Variants in SLC9A9 observed in about 807,000 individuals in gnomAD.
The protein encoded by SLC9A9 is solute carrier family 9 member A9, also known as sodium/hydrogen exchanger 9.
A neutral mutation model predicts 77.8 loss-of-function variants in SLC9A9; 62 were observed. The ratio of observed to expected loss-of-function variants is 0.80; its 90% CI spans 0.65 to 0.98. SLC9A9 has a LOEUF of 0.98. Ranked by LOEUF, SLC9A9 falls within the 50% of genes least tolerant of loss-of-function variation. The probability of loss-of-function intolerance (pLI) is 0.00; values close to 1 mark genes in which losing one functional copy is unlikely to be tolerated. For missense variants in SLC9A9, 775 were observed against 774.9 expected, an observed-to-expected ratio of 1.00 and a Z score of 0.00; for synonymous variants, 320 against 283.5, an observed-to-expected ratio of 1.13 and a Z score of -1.29.
chr3:143,778,502 T>C (rs2007769836), intron 4 of SLC9A9, among the ~76,000 whole-genome samples: 1 of 152,170 alleles, frequency 6.6e-6, no homozygotes, highest in African/African-American at 2.4e-5. Context: ...GCAAAGACGG[T>C]TTTCAGAACT....
Position 143,336,769 on chromosome 3 carries a change from T to C in SLC9A9, c.1604+26715A>G, listed in dbSNP as rs536075138. On this transcript the variant is annotated intron_variant, in intron 14 of 15. Transcript: ENST00000316549. ...GAAATGGGGAATTGTTCAATGGGTA[T>C]AGAGTTTCAGTTTTACAGGATAAAA... 2.0e-5 allele frequency among the ~76,000 whole-genome samples: 3 copies of C among 152,150 alleles called. 1 individual carries two copies. The highest frequency in any genetic ancestry group is 4.1e-4 in the South Asian group (2 of 4,826).
intron 12 of SLC9A9, among the ~76,000 whole-genome samples, chr3:143,410,539 A>C (rs1375964263): frequency 1.3e-5 from 2 of 152,208 alleles, no homozygotes; most frequent in African/African-American, 4.8e-5. Context: ...TTTCACTTCC[A>C]AAACAGCTTC....
chr3:143,305,485 C>G (rs1559860294), intron 14 of SLC9A9, among the ~76,000 whole-genome samples: 1 of 152,228 alleles, frequency 6.6e-6, no homozygotes, highest in Non-Finnish European at 1.5e-5. Flanking sequence ...AGGATTTGAA[C>G]TAGGTCTCTC....
At chr3:143,710,688 G>C (rs1446706027) in intron 4 of SLC9A9, among the ~76,000 whole-genome samples, 2 of 152,216 alleles carry the variant, frequency 1.3e-5, no homozygotes, top group Non-Finnish European at 2.9e-5. Context: ...CTCCTAAAGA[G>C]AGTTTACCAG....
At chr3:143,847,101 C>A (rs1020550455) in intron 1 of SLC9A9, among the ~76,000 whole-genome samples, 1 of 152,156 alleles carries the variant, frequency 6.6e-6, no homozygotes, top group African/African-American at 2.4e-5. Flanking sequence ...CTGTTAATAT[C>A]AGGACACCAC....
intron 12 of SLC9A9, among the ~76,000 whole-genome samples, chr3:143,403,486 T>C (rs1013220881): frequency 2.6e-5 from 4 of 152,156 alleles, no homozygotes; most frequent in African/African-American, 4.8e-5. Context: ...TGCAGTCTTG[T>C]GTCATTTCCT....
intron 11 of SLC9A9, among the ~76,000 whole-genome samples, chr3:143,484,105 G>A (rs1339479960): frequency 6.6e-6 from 1 of 152,090 alleles, no homozygotes; most frequent in Non-Finnish European, 1.5e-5. Flanking sequence ...GTGAAGAAAG[G>A]CTTCATCTAA....
intron 6 of SLC9A9, among the ~76,000 whole-genome samples, chr3:143,592,461 C>T (rs920203169): frequency 2.0e-5 from 3 of 152,222 alleles, no homozygotes; most frequent in Non-Finnish European, 2.9e-5. Flanking sequence ...CTTTTGCACT[C>T]TTCCAGCATG....
chr3:143,298,362 C>T (rs752284686), intron 14 of SLC9A9, among the ~76,000 whole-genome samples: 4 of 152,150 alleles, frequency 2.6e-5, no homozygotes, highest in East Asian at 1.9e-4. Context: ...AGCCAGTGAC[C>T]GTTTTGTTCT....
chr3:143,750,972 T>C (rs73154727), intron 4 of SLC9A9, among the ~76,000 whole-genome samples: 7,602 of 152,224 alleles, frequency 0.05, 217 homozygotes, highest in Middle Eastern at 0.065. Flanking sequence ...TCTGTTGAAA[T>C]CCAAGCTTCC....
Position 143,607,857 on chromosome 3 carries a change from ATG to A in SLC9A9, c.756-29136_756-29135del, listed in dbSNP as rs1460836746. On this transcript the variant is annotated intron_variant, in intron 6 of 15. Transcript: ENST00000316549. ...TATAAATGTTTGGCATGTGATTTAT[ATG>A]TGTTTTAAATGTGTTATGTTTTATA... Among the ~76,000 whole-genome samples, 6 of 151,994 alleles carry A rather than the reference ATG, an allele frequency of 3.9e-5. No individual in the cohort carries two copies. In the South Asian group the frequency reaches 1.0e-3, roughly 26 times the overall value.
At chr3:143,821,366 T>C (rs886795392) in intron 2 of SLC9A9, among the ~76,000 whole-genome samples, 11 of 152,204 alleles carry the variant, frequency 7.2e-5, no homozygotes, top group African/African-American at 2.7e-4. Flanking sequence ...CTCTAAAATA[T>C]GCTCAGAGAA....
intron 5 of SLC9A9, among the ~76,000 whole-genome samples, chr3:143,681,320 A>G (rs1357729967): frequency 1.3e-5 from 2 of 152,130 alleles, no homozygotes; most frequent in African/African-American, 2.4e-5. Context: ...TAGAATTTTT[A>G]TTAGTAACGC....
Position 143,385,942 on chromosome 3 carries a change from C to G in SLC9A9, c.1470-3828G>C, listed in dbSNP as rs76684361. The stretch of plus-strand genomic sequence containing the variant: ...TGGCCATACAATAATCTGCCAGTTT[C>G]TCTCCCATGGACTGGACCCCCTCCC... On this transcript the variant is annotated intron_variant, in intron 12 of 15. Transcript: ENST00000316549. 7.5e-3 allele frequency among the ~76,000 whole-genome samples: 1,139 copies of G among 152,284 alleles called. 47 individuals are homozygous for G. The East Asian group carries it at 0.13, about 18-fold the overall frequency.
chr3:143,704,229 C>A (rs901546036), intron 4 of SLC9A9, among the ~76,000 whole-genome samples: 1 of 152,024 alleles, frequency 6.6e-6, no homozygotes, highest in African/African-American at 2.4e-5. Flanking sequence ...TATTATGAGG[C>A]CAGTATTATC....
intron 12 of SLC9A9, among the ~76,000 whole-genome samples, chr3:143,442,371 C>CA (rs2108545620): frequency 6.6e-6 from 1 of 152,306 alleles, no homozygotes; most frequent in East Asian, 1.9e-4. Context: ...AAAAACTGGA[C>CA]AATTATAGCA....
intron 12 of SLC9A9, among the ~76,000 whole-genome samples, chr3:143,444,950 C>G (rs1462628153): frequency 6.6e-6 from 1 of 152,194 alleles, no homozygotes; most frequent in Non-Finnish European, 1.5e-5. Flanking sequence ...TGGGCAGTTT[C>G]CTGATATGGA....
intron 13 of SLC9A9, among the ~76,000 whole-genome samples, chr3:143,370,848 G>A (rs769444191): frequency 4.6e-5 from 7 of 152,080 alleles, no homozygotes; most frequent in Non-Finnish European, 8.8e-5. Flanking sequence ...ATAGGATTCA[G>A]GCATTGGATA....
intron 4 of SLC9A9, among the ~76,000 whole-genome samples, chr3:143,772,724 G>T (rs188902157): frequency 2.0e-5 from 3 of 152,158 alleles, no homozygotes. Flanking sequence ...CCCCAAGTCC[G>T]GTTTGTGAAA....
Sources: allele counts gnomAD v4.1 joint callset (sites outside exome capture counted in the v4.1 genomes callset), GRCh38; gene constraint gnomAD v4.1.1; transcripts MANE v1.5; gene names NCBI Gene and HGNC (gene_info 2026-07-23, HGNC 2026-07-21).